TEX11: variants seen among roughly 807,000 people sequenced by gnomAD.
TEX11 encodes testis-expressed protein 11.
TEX11 carries 7 observed loss-of-function variants against 84.4 expected under a neutral mutation model. The ratio of observed to expected loss-of-function variants is 0.08; its 90% CI spans 0.05 to 0.16. TEX11 has a LOEUF of 0.16. Ranked by LOEUF, TEX11 falls within the 10% of genes least tolerant of loss-of-function variation. TEX11 has a pLI of 1.00. For synonymous variants in TEX11, 264 were observed against 222.8 expected, an observed-to-expected ratio of 1.18 and a Z score of -1.64; for missense variants, 551 against 660.5, an observed-to-expected ratio of 0.83 and a Z score of 1.82.
At chrX:70,613,791 G>T (rs1003478149) in intron 20 of TEX11, among the ~76,000 whole-genome samples, 3 of 111,116 alleles carry the variant, frequency 2.7e-5, no homozygotes, top group African/African-American at 9.8e-5. Context: ...TCTTCCTTCC[G>T]CTTGAAGAGA....
intron 24 of TEX11, among the ~76,000 whole-genome samples, chrX:70,593,966 A>C (rs2088969270): frequency 8.9e-6 from 1 of 111,876 alleles, no homozygotes; most frequent in East Asian, 2.8e-4. Flanking sequence ...TATTTTAAAC[A>C]AATGGCTGAA....
Position 70,671,910 on chromosome X carries a change from T to G in TEX11, c.1243-1396A>C, listed in dbSNP as rs1325088. Among the ~76,000 whole-genome samples the G allele has an allele frequency of 1.7e-3, 115 of 67,903 alleles. 1 individual carries two copies. Among genetic ancestry groups the G allele is most frequent in the Admixed American group, 5.8e-3 (28 of 4,802 alleles). The allele number at this position is 67,903 out of a possible 115,157, so 59.0% of individuals were successfully genotyped here. On this transcript the variant is annotated intron_variant, in intron 15 of 29. Coordinates refer to ENST00000374333, the MANE Select transcript of TEX11 (RefSeq NM_031276.3). ...ATATATATATATATATATATATATATACACACACACATAGCTAAAACCATC... is the reference window on the plus strand; with the variant it reads ...ATATATATATATATATATATATATAGACACACACACATAGCTAAAACCATC...
chrX:70,565,971 T>C (rs1205672058), intron 25 of TEX11, among the ~76,000 whole-genome samples: 6 of 110,057 alleles, frequency 5.5e-5, no homozygotes, highest in Middle Eastern at 4.7e-3. Context: ...GGGGATGGCA[T>C]TGAATCTATA....
chrX:70,667,033 A>C (rs1208962999), intron 16 of TEX11, among the ~76,000 whole-genome samples: 1 of 112,615 alleles, frequency 8.9e-6, no homozygotes, highest in Non-Finnish European at 1.9e-5. Context: ...AATCTGGCTC[A>C]CCATATTTTT....
At chrX:70,535,774 T>G (rs766170090) in intron 28 of TEX11, among the ~76,000 whole-genome samples, 67 of 97,725 alleles carry the variant, frequency 6.9e-4, no homozygotes, top group Admixed American at 5.7e-3. Flanking sequence ...AACTTATGGG[T>G]TTTTTTTTTT....
intron 8 of TEX11, among the ~76,000 whole-genome samples, chrX:70,832,869 GCAGA>G (rs1039399841): frequency 9.0e-6 from 1 of 111,028 alleles, no homozygotes; most frequent in African/African-American, 3.4e-5. Flanking sequence ...AACCTTGTCA[GCAGA>G]CAAACTCATT....
chrX:70,609,070 A>G, intron 22 of TEX11, 21 bp downstream of exon 22: 1 of 1,169,216 alleles, frequency 8.6e-7, no homozygotes, highest in Non-Finnish European at 1.2e-6. Flanking sequence ...TGTTTCCCAG[A>G]GCCACAGAAT....
intron 8 of TEX11, among the ~76,000 whole-genome samples, chrX:70,830,322 A>G (rs777180753): frequency 8.9e-6 from 1 of 112,126 alleles, no homozygotes; most frequent in African/African-American, 3.2e-5. Flanking sequence ...GGCTATAACA[A>G]TTTTACATAC....
At chrX:70,555,291 G>A (rs1195891974) in intron 25 of TEX11, among the ~76,000 whole-genome samples, 1 of 112,118 alleles carries the variant, frequency 8.9e-6, no homozygotes, top group Non-Finnish European at 1.9e-5. Flanking sequence ...AATTTCTTGG[G>A]CATCAGCATA....
intron 25 of TEX11, among the ~76,000 whole-genome samples, chrX:70,572,437 GT>G (rs1252878421): frequency 9.0e-6 from 1 of 111,646 alleles, no homozygotes; most frequent in Admixed American, 9.5e-5. Flanking sequence ...GTGGAAGTCA[GT>G]GTGGCGATTC....
intron 2 of TEX11, among the ~76,000 whole-genome samples, chrX:70,904,843 T>G (rs2091821145): frequency 8.9e-6 from 1 of 112,848 alleles, no homozygotes; most frequent in Non-Finnish European, 1.9e-5. Context: ...TTGATTATGT[T>G]ATAATAACAT....
chrX:70,627,680 C>A (rs1044522917), intron 18 of TEX11, among the ~76,000 whole-genome samples: 1 of 111,309 alleles, frequency 9.0e-6, no homozygotes, highest in Admixed American at 9.6e-5. Flanking sequence ...CTTAATACCC[C>A]ACTCTCACTA....
At chrX:70,746,708 T>G (rs1029643867) in intron 9 of TEX11, among the ~76,000 whole-genome samples, 2 of 111,819 alleles carry the variant, frequency 1.8e-5, no homozygotes, top group African/African-American at 6.5e-5. Flanking sequence ...GAGATCTTGA[T>G]AGTGAGCAAT....
rs12009721 is a variant in TEX11 at position 70,630,165 on chromosome X, A to G, written c.1484-430T>C. On this transcript the variant is annotated intron_variant, in intron 17 of 29. Coordinates refer to ENST00000374333, the MANE Select transcript of TEX11 (RefSeq NM_031276.3). ...GTCTCTACTAAAAATACAAAAAATT[A>G]GCCAGGTGCAGTTGCGGGCGTCTGT... 9.8e-3 allele frequency among the ~76,000 whole-genome samples: 1,082 copies of G among 110,235 alleles called. 12 individuals are homozygous for G. Among genetic ancestry groups the G allele is most frequent in the African/African-American group, 0.034 (1,024 of 30,218 alleles).
intron 25 of TEX11, among the ~76,000 whole-genome samples, chrX:70,566,733 C>A (rs2088486911): frequency 9.0e-6 from 1 of 111,656 alleles, no homozygotes; most frequent in African/African-American, 3.3e-5. Context: ...TTGAACCAGC[C>A]TTGCATCCTA....
the TEX11 span, among the ~76,000 whole-genome samples, chrX:70,519,256 G>C: frequency 8.9e-6 from 1 of 111,961 alleles, no homozygotes; most frequent in Non-Finnish European, 1.9e-5. Context: ...GGTACGGGTT[G>C]TTCCTTTCCA....
At chrX:70,635,222 C>A (rs2089557223) in intron 17 of TEX11, among the ~76,000 whole-genome samples, 1 of 112,125 alleles carries the variant, frequency 8.9e-6, no homozygotes, top group South Asian at 3.7e-4. Flanking sequence ...CACCCCTCCC[C>A]CAACCCCAGG....
chrX:70,891,937 T>C (rs374600644), intron 2 of TEX11, among the ~76,000 whole-genome samples: 1 of 110,928 alleles, frequency 9.0e-6, no homozygotes, highest in East Asian at 2.8e-4. Context: ...ATCGTCAGAT[T>C]CTCCAAGGTT....
At chrX:70,568,729 T>C (rs1426463560) in intron 25 of TEX11, among the ~76,000 whole-genome samples, 5 of 111,717 alleles carry the variant, frequency 4.5e-5, no homozygotes, top group Non-Finnish European at 1.9e-5. Context: ...TGTTGAATAT[T>C]GGCCCCCACT....
Sources: gnomAD v4.1 joint callset for allele counts (sites outside exome capture counted in the v4.1 genomes callset) on GRCh38, gnomAD v4.1.1 for gene constraint, MANE v1.5 for transcripts, NCBI Gene and HGNC (gene_info 2026-07-23, HGNC 2026-07-21) for gene names.